GPR137B: variants seen among roughly 807,000 people sequenced by gnomAD.
The protein encoded by GPR137B is integral membrane protein GPR137B.
In GPR137B, 42 loss-of-function variants were observed where a neutral mutation model predicts 42.5. The observed-to-expected ratio is 0.99, with a 90% CI of 0.77 to 1.28. GPR137B has a LOEUF of 1.28. GPR137B is among the 50% of genes most tolerant of loss of function. The pLI is 0.00. For synonymous variants in GPR137B, 218 were observed against 209.7 expected (o/e 1.04, Z -0.34); for missense variants, 487 against 493.9 (o/e 0.99, Z 0.13).
At chr1:236,192,904 GTTTA>G (rs57850391) in intron 5 of GPR137B, among the ~76,000 whole-genome samples, 58,107 of 151,316 alleles carry the variant, frequency 0.38, 12,856 homozygotes, top group East Asian at 0.61. Flanking sequence ...TTGTTTGTTT[GTTTA>G]TTTGGATACA....
chr1:236,184,077 GA>G (rs1165655899), intron 5 of GPR137B, among the ~76,000 whole-genome samples, 171 bp downstream of exon 5: 3 of 152,096 alleles, frequency 2.0e-5, no homozygotes, highest in African/African-American at 7.2e-5. Flanking sequence ...TCTTTTGAGG[GA>G]AAATGGTTTT....
At position 236,208,412 on chromosome 1, in the gene GPR137B, T is replaced by G. The variant is rs181249728; in HGVS notation, c.*254T>G. On this transcript the variant is annotated 3_prime_UTR_variant, in exon 7 of 7. Coordinates refer to ENST00000366592, the MANE Select transcript of GPR137B (RefSeq NM_003272.4). ...AAGAAAATCTGTACTTTTATAAAGATGTATTTTGTATAACTTAAATAATAA... is the reference window on the plus strand; with the variant it reads ...AAGAAAATCTGTACTTTTATAAAGAGGTATTTTGTATAACTTAAATAATAA... 18 of 1,043,398 alleles carry G rather than the reference T, an allele frequency of 1.7e-5. No individual in the cohort carries two copies. In the East Asian group the frequency reaches 5.2e-4, roughly 30 times the overall value. The allele number at this position is 1,043,398 out of a possible 1,614,324, so 64.6% of individuals were successfully genotyped here.
At chr1:236,165,475 C>T (rs1662324436) in intron 1 of GPR137B, among the ~76,000 whole-genome samples, 1 of 152,208 alleles carries the variant, frequency 6.6e-6, no homozygotes, top group African/African-American at 2.4e-5. Context: ...GAATGGTGAA[C>T]TCCAGGGCCC....
chr1:236,206,035 C>T (rs774353014), intron 6 of GPR137B, among the ~76,000 whole-genome samples: 3 of 152,006 alleles, frequency 2.0e-5, no homozygotes, highest in Non-Finnish European at 4.4e-5. Context: ...TTATAAAGGA[C>T]CAAGTTTTCA....
chr1:236,180,191 T>G (rs1353721380), intron 4 of GPR137B, 163 bp downstream of exon 4: 3 of 594,144 alleles, frequency 5.0e-6, no homozygotes, highest in Admixed American at 3.1e-5. Flanking sequence ...TCTGTATACT[T>G]TAAATTAATC....
chr1:236,196,535 C>T (rs1663338160), intron 5 of GPR137B, among the ~76,000 whole-genome samples: 1 of 152,154 alleles, frequency 6.6e-6, no homozygotes, highest in Admixed American at 6.5e-5. Flanking sequence ...TTAGTGGTGA[C>T]TGCTGAGATT....
At position 236,208,102 on chromosome 1, in the gene GPR137B, C is replaced by T. The variant is rs561603127; in HGVS notation, c.1144C>T (p.Gln382Ter). 1.2e-6 allele frequency: 2 copies of T among 1,612,538 alleles called. No homozygotes were observed. Among genetic ancestry groups the T allele is most frequent in the Admixed American group, 3.3e-5 (2 of 60,020 alleles). ...WGQQTNSFLA[Q>*]AGTLQDSTLD... ...ACAACAAACTAACAGCTTCCTGGCACAAGCAGGAACTTTGCAAGACTCAAC... is the reference window on the plus strand; with the variant it reads ...ACAACAAACTAACAGCTTCCTGGCATAAGCAGGAACTTTGCAAGACTCAAC... Residue 382 changes from glutamine to a stop codon, truncating the protein, a stop_gained, in exon 7 of 7, where the codon CAA becomes TAA. Transcript: ENST00000366592. LOFTEE classifies it high-confidence loss of function.
intron 5 of GPR137B, among the ~76,000 whole-genome samples, chr1:236,197,449 G>A (rs780537086): frequency 6.6e-6 from 1 of 152,102 alleles, no homozygotes; most frequent in Non-Finnish European, 1.5e-5. Flanking sequence ...TCTTGGTCAT[G>A]ATCTCTTTGC....
intron 3 of GPR137B, among the ~76,000 whole-genome samples, chr1:236,178,980 G>A (rs1662788831): frequency 6.6e-6 from 1 of 151,220 alleles, no homozygotes; most frequent in Admixed American, 6.6e-5. Context: ...TGTATTTTTA[G>A]TAGAGACGGG....
chr1:236,170,902 A>AG (rs1307424605), intron 2 of GPR137B, among the ~76,000 whole-genome samples: 1 of 148,884 alleles, frequency 6.7e-6, no homozygotes, highest in Non-Finnish European at 1.5e-5. Context: ...CTTAAGCCTA[A>AG]GGGGTGGAGA....
At chr1:236,161,085 C>T (rs561598219) in intron 1 of GPR137B, among the ~76,000 whole-genome samples, 8 of 152,210 alleles carry the variant, frequency 5.3e-5, no homozygotes, top group South Asian at 4.1e-4. Context: ...TCCAATTCCC[C>T]GCCACGCCCT....
intron 1 of GPR137B, among the ~76,000 whole-genome samples, chr1:236,165,532 A>G (rs1458993920): frequency 1.3e-5 from 2 of 152,130 alleles, no homozygotes; most frequent in African/African-American, 4.8e-5. Flanking sequence ...TTCATGGGGT[A>G]AGGGCTGGGG....
At chr1:236,145,671 C>G (rs1416693150) in intron 1 of GPR137B, among the ~76,000 whole-genome samples, 1 of 151,842 alleles carries the variant, frequency 6.6e-6, no homozygotes. Flanking sequence ...AAGCACACTT[C>G]TAAGCAATTG....
Position 236,165,438 on chromosome 1 carries a change from G to A in GPR137B, c.415-3268G>A, listed in dbSNP as rs190834599. 2.4e-4 allele frequency among the ~76,000 whole-genome samples: 37 copies of A among 152,312 alleles called. No individual in the cohort carries two copies. The East Asian group carries it at 5.8e-3, about 24-fold the overall frequency. On this transcript the variant is annotated intron_variant, in intron 1 of 6. Transcript: ENST00000366592. ...GTGAGTTATCCGCATCTTGGCTGGC[G>A]TAAGTCATCCTTCCCTTTCAGGGCT... is the stretch of plus-strand genomic sequence containing the variant.
At chr1:236,201,371 G>A (rs60120010) in intron 5 of GPR137B, among the ~76,000 whole-genome samples, 1,704 of 151,356 alleles carry the variant, frequency 0.011, 51 homozygotes, top group African/African-American at 0.032. Flanking sequence ...CCTCAAATAT[G>A]TTTTCCAAAC....
At position 236,156,781 on chromosome 1, in the gene GPR137B, C is replaced by G. The variant is rs1344374353; in HGVS notation, c.415-11925C>G. On this transcript the variant is annotated intron_variant, in intron 1 of 6. Coordinates refer to ENST00000366592, the MANE Select transcript of GPR137B (RefSeq NM_003272.4). The surrounding 1 kb of genome is among the most constrained non-coding windows in gnomAD (Gnocchi z 4.8). ...ACTGTTGCCTGGGGAGACCAGGGCC[C>G]TGGGGTTTGCATAATTTCCCCAATA... 6.6e-6 allele frequency among the ~76,000 whole-genome samples: 1 copy of G among 152,144 alleles called. No individual in the cohort carries two copies. The highest frequency in any genetic ancestry group is 1.5e-5 in the Non-Finnish European group (1 of 68,040).
At chr1:236,164,549 C>G (rs1482346410) in intron 1 of GPR137B, among the ~76,000 whole-genome samples, 1 of 152,228 alleles carries the variant, frequency 6.6e-6, no homozygotes, top group Non-Finnish European at 1.5e-5. Context: ...CAGGGTGAGC[C>G]AGGAGCTTTA....
At chr1:236,186,508 C>A (rs1376551101) in intron 5 of GPR137B, among the ~76,000 whole-genome samples, 1 of 141,814 alleles carries the variant, frequency 7.1e-6, no homozygotes, top group Non-Finnish European at 1.5e-5. Context: ...CCCCTACAGG[C>A]CCCAGTGTGT....
rs566241783 is a variant in GPR137B at position 236,148,240 on chromosome 1, C to CA, written c.414+5205dup. Among the ~76,000 whole-genome samples, 801 of 152,300 alleles carry CA rather than the reference C, an allele frequency of 5.3e-3. 3 individuals are homozygous for CA. Among genetic ancestry groups the CA allele is most frequent in the Non-Finnish European group, 9.2e-3 (629 of 68,018 alleles). ...ACCTCCAGGTTTCAGGATAGAGGCTCAGAAGCAAAGGCGGTAGCTTCTGTG... is the reference window on the plus strand; with the variant it reads ...ACCTCCAGGTTTCAGGATAGAGGCTCAAGAAGCAAAGGCGGTAGCTTCTGTG... On this transcript the variant is annotated intron_variant, in intron 1 of 6. Coordinates refer to ENST00000366592, the MANE Select transcript of GPR137B (RefSeq NM_003272.4).
Sources: gnomAD v4.1 joint callset for allele counts (sites outside exome capture counted in the v4.1 genomes callset) on GRCh38, gnomAD v4.1.1 for gene constraint, Gnocchi (gnomAD v3.1) non-coding constraint, MANE v1.5 for transcripts, NCBI Gene and HGNC (gene_info 2026-07-23, HGNC 2026-07-21) for gene names.